MINDY4: variants seen among roughly 807,000 people sequenced by gnomAD.
The protein encoded by MINDY4 is probable ubiquitin carboxyl-terminal hydrolase MINDY-4.
MINDY4 carries 68 observed loss-of-function variants against 87.0 expected under a neutral mutation model. The observed-to-expected ratio is 0.78, with a 90% CI of 0.64 to 0.96. The LOEUF (loss-of-function observed/expected upper bound fraction) is 0.96, where lower values mean the gene tolerates loss of function less well. MINDY4 is among the 40% of genes least tolerant of loss of function. MINDY4 has a pLI of 0.00. For synonymous variants in MINDY4, 379 were observed against 363.2 expected (o/e 1.04, Z -0.50); for missense variants, 919 against 928.2 (o/e 0.99, Z 0.13).
chr7:30,793,864 T>A (rs1787398285), intron 5 of MINDY4, among the ~76,000 whole-genome samples: 1 of 152,212 alleles, frequency 6.6e-6, no homozygotes, highest in African/African-American at 2.4e-5. Context: ...AATGGCCAGG[T>A]GGGCCAGACC....
At chr7:30,875,739 G>A in intron 15 of MINDY4, 83 bp downstream of exon 15, 1 of 1,450,894 alleles carries the variant, frequency 6.9e-7, no homozygotes, top group South Asian at 1.4e-5. Flanking sequence ...AGGAAAGCTG[G>A]ACTCCACTTC....
At position 30,840,655 on chromosome 7, in the gene MINDY4, G is replaced by A. The variant is rs141419487; in HGVS notation, c.1357-105G>A. 1.4e-4 allele frequency: 124 copies of A among 865,270 alleles called. 1 individual carries two copies. The African/African-American group carries it at 1.7e-3, about 12-fold the overall frequency. 53.6% of individuals were successfully genotyped at this position (865,270 alleles called of 1,614,324 possible). On this transcript the variant is annotated intron_variant, in intron 8 of 17. Coordinates refer to ENST00000265299, the MANE Select transcript of MINDY4 (RefSeq NM_032222.3). ...AGAGGCCCTTCTGTTGCAGAAGGCA[G>A]GGCCCCTTTACTCTATCAGGTGGGT...
chr7:30,847,243 A>G (rs1035393784), intron 9 of MINDY4, among the ~76,000 whole-genome samples: 4 of 152,230 alleles, frequency 2.6e-5, no homozygotes, highest in Non-Finnish European at 5.9e-5. Context: ...CAAAAGAGAA[A>G]GATGGAGAAG....
At chr7:30,814,415 G>T (rs1788091583) in intron 5 of MINDY4, among the ~76,000 whole-genome samples, 1 of 152,134 alleles carries the variant, frequency 6.6e-6, no homozygotes, top group Non-Finnish European at 1.5e-5. Context: ...ATTAAGCTTT[G>T]TGAAACATTT....
chr7:30,889,642 ACTC>A (rs1265085300), intron 17 of MINDY4, among the ~76,000 whole-genome samples: 2 of 151,778 alleles, frequency 1.3e-5, no homozygotes, highest in Non-Finnish European at 2.9e-5. Context: ...AACCCAATAG[ACTC>A]CTCTGGATCT....
chr7:30,773,826 A>G (rs996997995), intron 1 of MINDY4, among the ~76,000 whole-genome samples: 3 of 152,064 alleles, frequency 2.0e-5, no homozygotes, highest in African/African-American at 4.8e-5. Context: ...CACCACATCT[A>G]TATTGCATTG....
At chr7:30,826,970 T>C (rs148236722) in intron 5 of MINDY4, among the ~76,000 whole-genome samples, 88 of 152,302 alleles carry the variant, frequency 5.8e-4, no homozygotes, top group African/African-American at 2.0e-3. Flanking sequence ...CAGCCAGGCT[T>C]CAGTGTCGTG....
intron 12 of MINDY4, among the ~76,000 whole-genome samples, chr7:30,856,139 G>C (rs1789562443): frequency 6.6e-6 from 1 of 152,104 alleles, no homozygotes; most frequent in Non-Finnish European, 1.5e-5. Flanking sequence ...GTAGACTCAG[G>C]TCTCTGTGGA....
chr7:30,809,186 G>A (rs962046409), intron 5 of MINDY4, among the ~76,000 whole-genome samples: 18 of 152,112 alleles, frequency 1.2e-4, no homozygotes, highest in African/African-American at 4.3e-4. Flanking sequence ...TGTAAACAAG[G>A]GTGTATCCCG....
chr7:30,878,024 A>C (rs1790330586), intron 15 of MINDY4, among the ~76,000 whole-genome samples: 1 of 150,938 alleles, frequency 6.6e-6, no homozygotes, highest in Non-Finnish European at 1.5e-5. Context: ...TCTGTCCCCA[A>C]GTCCCTCGGG....
intron 5 of MINDY4, among the ~76,000 whole-genome samples, chr7:30,814,062 A>T (rs1369683246): frequency 6.6e-6 from 1 of 152,204 alleles, no homozygotes; most frequent in East Asian, 1.9e-4. Flanking sequence ...AAATTACTTT[A>T]AAAAATACTG....
chr7:30,836,419 C>G (rs184050664), intron 6 of MINDY4, among the ~76,000 whole-genome samples: 1 of 152,200 alleles, frequency 6.6e-6, no homozygotes, highest in Non-Finnish European at 1.5e-5. Context: ...GCAACATCCT[C>G]GTGGTATGAA....
At chr7:30,807,849 G>C (rs1787858980) in intron 5 of MINDY4, among the ~76,000 whole-genome samples, 1 of 152,228 alleles carries the variant, frequency 6.6e-6, no homozygotes. Flanking sequence ...TGTTAGAATT[G>C]TGCGCCCTTA....
intron 6 of MINDY4, 48 bp downstream of exon 6, chr7:30,828,785 G>T: frequency 2.5e-6 from 4 of 1,594,438 alleles, no homozygotes; most frequent in Non-Finnish European, 3.4e-6. Context: ...GGCCCAAGGG[G>T]TCCTCGTTGG....
intron 13 of MINDY4, among the ~76,000 whole-genome samples, chr7:30,866,459 CT>C (rs776397943): frequency 1.2e-4 from 19 of 152,166 alleles, no homozygotes; most frequent in Non-Finnish European, 2.1e-4. Flanking sequence ...TGTGGGTAGG[CT>C]CATGTCATTT....
intron 3 of MINDY4, 126 bp downstream of exon 3, chr7:30,782,338 A>C: frequency 1.6e-6 from 1 of 642,912 alleles, no homozygotes; most frequent in Non-Finnish European, 2.5e-6. Context: ...CTGTGTGTGT[A>C]TGTTTGTGTG....
chr7:30,787,915 TA>T (rs1455703744), intron 4 of MINDY4, among the ~76,000 whole-genome samples: 1 of 152,218 alleles, frequency 6.6e-6, no homozygotes, highest in Non-Finnish European at 1.5e-5. Flanking sequence ...TATTTGAAAT[TA>T]AAAGTGAGAA....
intron 14 of MINDY4, 79 bp downstream of exon 14, chr7:30,872,385 C>A: frequency 7.5e-7 from 1 of 1,339,054 alleles, no homozygotes. Context: ...CCTCCCTCCT[C>A]TTGCCCCAGA....
rs796953321 is a variant in MINDY4, at chr7:30,795,445, G to A, written c.1073+3871G>A. Among the ~76,000 whole-genome samples the A allele has an allele frequency of 5.9e-5, 9 of 152,320 alleles. 1 individual carries two copies. Among genetic ancestry groups the A allele is most frequent in the African/African-American group, 1.4e-4 (6 of 41,576 alleles). On this transcript the variant is annotated intron_variant, in intron 5 of 17. Coordinates refer to ENST00000265299, the MANE Select transcript of MINDY4 (RefSeq NM_032222.3). Reference sequence around the variant, plus strand: ...GTCACATGGCTTCAACCATGGAGCCGTGGGATCCAGGGGTACCAAGATATG... The same window carrying A: ...GTCACATGGCTTCAACCATGGAGCCATGGGATCCAGGGGTACCAAGATATG...
Sources: gnomAD v4.1 joint callset for allele counts (sites outside exome capture counted in the v4.1 genomes callset) on GRCh38, gnomAD v4.1.1 for gene constraint, MANE v1.5 for transcripts, NCBI Gene and HGNC (gene_info 2026-07-23, HGNC 2026-07-21) for gene names.